PPP2R2B: variants seen among roughly 807,000 people sequenced by gnomAD.
PPP2R2B encodes the protein serine/threonine-protein phosphatase 2A 55 kDa regulatory subunit B beta isoform.
Under a neutral mutation model 46.0 loss-of-function variants are expected in PPP2R2B, and 5 were observed. The observed-to-expected ratio is 0.11, with a 90% CI of 0.06 to 0.23. The LOEUF (loss-of-function observed/expected upper bound fraction) is 0.23. Ranked by LOEUF, PPP2R2B falls within the 10% of genes least tolerant of loss-of-function variation. The pLI is 1.00. For missense variants in PPP2R2B, 367 were observed against 575.0 expected (o/e 0.64, Z 3.70); for synonymous variants, 215 against 206.7 (o/e 1.04, Z -0.34).
chr5:146,601,926 T>C (rs1055114775), intron 7 of PPP2R2B, among the ~76,000 whole-genome samples: 1 of 152,240 alleles, frequency 6.6e-6, no homozygotes, highest in Non-Finnish European at 1.5e-5. Flanking sequence ...GAAAAAGGCA[T>C]GGCTTCTCAG....
intron 8 of PPP2R2B, among the ~76,000 whole-genome samples, 173 bp downstream of exon 8, chr5:146,600,118 C>T (rs1006515360): frequency 6.6e-6 from 1 of 152,202 alleles, no homozygotes; most frequent in African/African-American, 2.4e-5. Context: ...AGCCTCTCCA[C>T]ATGTACCGTT....
intron 5 of PPP2R2B, among the ~76,000 whole-genome samples, chr5:146,675,399 C>CCGCTA (rs1443107977): frequency 2.0e-5 from 3 of 152,160 alleles, no homozygotes; most frequent in Non-Finnish European, 4.4e-5. Flanking sequence ...CCCCCTCACC[C>CCGCTA]CGCTATAAAT....
At chr5:147,072,276 A>G (rs1044567424) in intron 2 of PPP2R2B, among the ~76,000 whole-genome samples, 11 of 152,244 alleles carry the variant, frequency 7.2e-5, no homozygotes, top group African/African-American at 2.7e-4. Context: ...TATGACCCAT[A>G]TATGTTAAAA....
chr5:146,950,076 CA>C lies in PPP2R2B; in HGVS notation c.79+105588del, dbSNP rs536017376. ...AGCACAACAGAATGATTACTGTCAA[CA>C]ATAATTTATTGTACTTTAAAAAATA... On this transcript the variant is annotated intron_variant, in intron 1 of 8. Transcript: ENST00000336640. Among the ~76,000 whole-genome samples the C allele has an allele frequency of 6.8e-3, 1,027 of 151,958 alleles. 13 individuals carry two copies. The highest frequency in any genetic ancestry group is 0.023 in the African/African-American group (941 of 41,484).
chr5:146,827,538 A>T (rs755045685), intron 2 of PPP2R2B, among the ~76,000 whole-genome samples: 8 of 152,296 alleles, frequency 5.3e-5, no homozygotes, highest in Non-Finnish European at 1.0e-4. Flanking sequence ...AGCTGCCTTA[A>T]CTCCATTTAT....
chr5:146,660,848 A>C (rs1221628776), intron 5 of PPP2R2B, among the ~76,000 whole-genome samples: 1 of 152,228 alleles, frequency 6.6e-6, no homozygotes, highest in African/African-American at 2.4e-5. Flanking sequence ...TGTATTAGGT[A>C]GTATGTGTAC....
chr5:146,973,158 T>G (rs2151849632), intron 1 of PPP2R2B, among the ~76,000 whole-genome samples: 1 of 152,334 alleles, frequency 6.6e-6, no homozygotes, highest in East Asian at 1.9e-4. Context: ...TGAGTAGGAT[T>G]TGATTCTTTT....
At chr5:146,729,135 G>A (rs1380178409) in intron 2 of PPP2R2B, among the ~76,000 whole-genome samples, 1 of 152,212 alleles carries the variant, frequency 6.6e-6, no homozygotes, top group Non-Finnish European at 1.5e-5. Context: ...TAAAATCCAA[G>A]TTGAGGTGGT....
At chr5:146,807,751 T>C (rs1349199759) in intron 2 of PPP2R2B, among the ~76,000 whole-genome samples, 2 of 147,018 alleles carry the variant, frequency 1.4e-5, no homozygotes, top group African/African-American at 5.0e-5. Context: ...CTCCAACTCC[T>C]TGGTTAAACC....
intron 7 of PPP2R2B, among the ~76,000 whole-genome samples, chr5:146,600,923 A>C (rs1192416120): frequency 1.3e-5 from 2 of 152,184 alleles, no homozygotes; most frequent in South Asian, 2.1e-4. Flanking sequence ...ACCTCCCCCC[A>C]AAAACTCCAT....
chr5:146,884,089 GT>G (rs372611320), intron 1 of PPP2R2B, among the ~76,000 whole-genome samples: 8,929 of 104,708 alleles, frequency 0.085, 204 homozygotes, highest in African/African-American at 0.19. Context: ...TAAATTCAGG[GT>G]TTTTTTTTTT....
intron 2 of PPP2R2B, among the ~76,000 whole-genome samples, chr5:146,747,007 C>T (rs1216660468): frequency 6.6e-6 from 1 of 152,188 alleles, no homozygotes; most frequent in South Asian, 2.1e-4. Flanking sequence ...AAGCATTATT[C>T]AAGGGCTAAG....
intron 2 of PPP2R2B, among the ~76,000 whole-genome samples, chr5:146,861,622 A>T (rs1761007077): frequency 6.6e-6 from 1 of 152,222 alleles, no homozygotes. Context: ...TACTGTTTTT[A>T]TTATATAAAC....
intron 1 of PPP2R2B, among the ~76,000 whole-genome samples, chr5:147,006,455 T>C (rs1023412990): frequency 1.3e-5 from 2 of 152,162 alleles, no homozygotes; most frequent in Non-Finnish European, 2.9e-5. Flanking sequence ...ACTTCTAATC[T>C]TATGGAAATC....
At chr5:147,042,331 G>A (rs767149712) in intron 1 of PPP2R2B, among the ~76,000 whole-genome samples, 5 of 152,114 alleles carry the variant, frequency 3.3e-5, no homozygotes, top group African/African-American at 9.6e-5. Flanking sequence ...CTAAACAAGC[G>A]GACTCAATTC....
intron 1 of PPP2R2B, among the ~76,000 whole-genome samples, chr5:146,919,110 C>T (rs576802034): frequency 1.3e-5 from 2 of 152,190 alleles, no homozygotes; most frequent in Admixed American, 1.3e-4. Context: ...AATAACTTGC[C>T]CAAAGACATA....
At chr5:146,949,968 T>A (rs1423174968) in intron 1 of PPP2R2B, among the ~76,000 whole-genome samples, 1 of 151,926 alleles carries the variant, frequency 6.6e-6, no homozygotes, top group Non-Finnish European at 1.5e-5. Context: ...TACCAGAGGC[T>A]GGGAAGGGTA....
At chr5:146,615,515 T>G (rs868298731) in intron 7 of PPP2R2B, among the ~76,000 whole-genome samples, 2 of 71,036 alleles carry the variant, frequency 2.8e-5, no homozygotes, top group African/African-American at 9.2e-5. Flanking sequence ...AAAAAAAAAT[T>G]AAAAAAAAAA....
At chr5:146,766,899 C>CA (rs1754513678) in intron 2 of PPP2R2B, among the ~76,000 whole-genome samples, 1 of 151,762 alleles carries the variant, frequency 6.6e-6, no homozygotes, top group African/African-American at 2.4e-5. Context: ...ACTAAAAATA[C>CA]AAAAATTGGC....
Sources: gnomAD v4.1 joint callset for allele counts (sites outside exome capture counted in the v4.1 genomes callset) on GRCh38, gnomAD v4.1.1 for gene constraint, MANE v1.5 for transcripts, NCBI Gene and HGNC (gene_info 2026-07-23, HGNC 2026-07-21) for gene names.